The following IRS2 variants were observed in gnomAD, a reference collection of about 807,000 sequenced individuals.
IRS2 encodes the protein insulin receptor substrate 2.
A neutral mutation model predicts 70.9 loss-of-function variants in IRS2; 28 were observed. The ratio of observed to expected loss-of-function variants is 0.39; its 90% CI spans 0.29 to 0.54. The LOEUF (loss-of-function observed/expected upper bound fraction) is 0.54, where lower values mean the gene tolerates loss of function less well. Among genes scored for constraint, IRS2 ranks in the 20% least tolerant of loss-of-function variants. IRS2 has a pLI of 0.59. For missense variants in IRS2, 2,081 were observed against 2,024.1 expected, an observed-to-expected ratio of 1.03 and a Z score of -0.54; for synonymous variants, 1,217 against 981.9, an observed-to-expected ratio of 1.24 and a Z score of -4.48.
chr13:109,772,541 C>T (rs542594987), intron 1 of IRS2, among the ~76,000 whole-genome samples: 18 of 152,178 alleles, frequency 1.2e-4, no homozygotes, highest in Non-Finnish European at 2.6e-4. Context: ...CCAATCTCAC[C>T]TGCTGTTTGG....
At position 109,784,229 on chromosome 13, in the gene IRS2, C is replaced by T. The variant is rs1877837698; in HGVS notation, c.1825G>A (p.Ala609Thr). 2 of 1,570,914 alleles carry T rather than the reference C, an allele frequency of 1.3e-6. No homozygotes were observed. Among genetic ancestry groups the T allele is most frequent in the Non-Finnish European group, 8.6e-7 (1 of 1,157,736 alleles). ...GGGCAGGACGGGCAGAGGCGGCCCGCGCTGCCCGAGAAGGTGGCCCGCATC... is the reference window on the plus strand; with the variant it reads ...GGGCAGGACGGGCAGAGGCGGCCCGTGCTGCCCGAGAAGGTGGCCCGCATC... ...TLMRATFSGS[A>T]GRLCPSCPAS... Residue 609 changes from alanine to threonine, a missense_variant, in exon 1 of 2, where the codon GCG (alanine) becomes ACG (threonine). Ala to Thr is a moderately conservative substitution (Grantham distance 58). Transcript: ENST00000375856. This position sits in a 1 kb window ranked among gnomAD's most constrained non-coding sequence, Gnocchi z 5.2.
chr13:109,785,097 G>C lies in IRS2; in HGVS notation c.957C>G (p.Val319=). 9 of 1,587,142 alleles carry C rather than the reference G, an allele frequency of 5.7e-6. No homozygotes were observed. Among genetic ancestry groups the C allele is most frequent in the Non-Finnish European group, 7.7e-6 (9 of 1,167,860 alleles). Residue 319 remains valine, a synonymous_variant, in exon 1 of 2, where the codon GTC becomes GTG. Transcript: ENST00000375856. The surrounding 1 kb of genome is among the most constrained non-coding windows in gnomAD (Gnocchi z 9.3). ...SGSSATHPIS[V]PGARRHHHLV... The stretch of plus-strand genomic sequence containing the variant: ...GGTGGTGGTGGCGGCGCGCGCCGGG[G>C]ACGCTGATGGGGTGCGTGGCCGACG...
rs1226865334 is a variant in IRS2, at chr13:109,782,156, C to T, written c.3898G>A (p.Gly1300Ser). The change falls in exon 1 of 2, where the codon GGC becomes AGC. Residue 1300 changes from glycine (G) to serine (S), a missense_variant. This residue lies in a region of IRS2 where 1,615 missense variants were observed against 1,459.5 expected (regional missense o/e 1.11). Transcript: ENST00000375856. The part of the protein sequence containing the change: ...LGGLISAVGV[G>S]STGGGCGGPG... The stretch of plus-strand genomic sequence containing the variant: ...CCCCCGCACCCGCCGCCGGTGCTGC[C>T]GACGCCCACAGCGCTGATGAGACCC... 2 of 1,606,368 alleles carry T rather than the reference C, an allele frequency of 1.2e-6. No homozygotes were observed. The highest frequency in any genetic ancestry group is 1.7e-5 in the Admixed American group (1 of 59,118).
rs1435285399 is a variant in IRS2 at position 109,784,824 on chromosome 13, G to A, written c.1230C>T (p.Gly410=). The A allele has an allele frequency of 3.2e-6, 4 of 1,256,136 alleles. No individual in the cohort carries two copies. Among genetic ancestry groups the A allele is most frequent in the South Asian group, 2.2e-5 (1 of 45,624 alleles). 77.8% of individuals were successfully genotyped at this position (1,256,136 alleles called of 1,614,324 possible). A position where few individuals can be genotyped will look rare whatever the true frequency, so the allele number is the denominator to read the frequency against. Reference sequence around the variant, plus strand: ...GCAGCGCCACCTTGCTCCCGCGGCCGCCGCAGCCGCCGCTCAGGGTGTGCG... The same window carrying A: ...GCAGCGCCACCTTGCTCCCGCGGCCACCGCAGCCGCCGCTCAGGGTGTGCG... ...SRSHTLSGGC[G]GRGSKVALLP... Residue 410 remains glycine (G), a synonymous_variant, in exon 1 of 2, where the codon GGC becomes GGT. Coordinates refer to ENST00000375856, the MANE Select transcript of IRS2 (RefSeq NM_003749.3). This position sits in a 1 kb window ranked among gnomAD's most constrained non-coding sequence, Gnocchi z 5.2.
At chr13:109,781,982 G>A (rs753831370) in intron 1 of IRS2, 60 bp downstream of exon 1, 23 of 1,572,078 alleles carry the variant, frequency 1.5e-5, no homozygotes, top group Admixed American at 3.6e-5. Flanking sequence ...AAACCCAAGA[G>A]GCTCCCTCAG....
At chr13:109,773,557 C>CT (rs1411782756) in intron 1 of IRS2, among the ~76,000 whole-genome samples, 1 of 152,206 alleles carries the variant, frequency 6.6e-6, no homozygotes, top group African/African-American at 2.4e-5. Context: ...TTCGATTTCA[C>CT]TGGGGGTCTT....
intron 1 of IRS2, among the ~76,000 whole-genome samples, chr13:109,774,624 C>G (rs189237976): frequency 2.5e-3 from 376 of 152,144 alleles, no homozygotes; most frequent in Non-Finnish European, 4.2e-3. Context: ...GCTAGGGATA[C>G]CAAGATGTTA....
Position 109,784,788 on chromosome 13 carries a change from C to T in IRS2, c.1266G>A (p.Gly422=). Reference sequence around the variant, plus strand: ...TGGAGCGGCTGTGTTGCAGCGCGCCCCCTGCCGGCAGCAGCGCCACCTTGC... The same window carrying T: ...TGGAGCGGCTGTGTTGCAGCGCGCCTCCTGCCGGCAGCAGCGCCACCTTGC... ...RGSKVALLPA[G]GALQHSRSMS... The change falls in exon 1 of 2, where the codon GGG becomes GGA. Residue 422 remains glycine, a synonymous_variant. Transcript: ENST00000375856. The surrounding 1 kb of genome is among the most constrained non-coding windows in gnomAD (Gnocchi z 5.2). The T allele has an allele frequency of 3.2e-6, 4 of 1,266,524 alleles. No individual in the cohort carries two copies. Among genetic ancestry groups the T allele is most frequent in the Non-Finnish European group, 4.0e-6 (4 of 1,002,262 alleles). 78.5% of individuals were successfully genotyped at this position (1,266,524 alleles called of 1,614,324 possible).
intron 1 of IRS2, among the ~76,000 whole-genome samples, chr13:109,759,151 G>C (rs561442680): frequency 1.3e-5 from 2 of 152,332 alleles, no homozygotes; most frequent in Non-Finnish European, 2.9e-5. Flanking sequence ...ACGTGCATGT[G>C]TCTCACCTAG....
chr13:109,783,171 G>A lies in IRS2; in HGVS notation c.2883C>T (p.Gly961=), dbSNP rs1877776257. 1.4e-6 allele frequency: 2 copies of A among 1,383,324 alleles called. No homozygotes were observed. Among genetic ancestry groups the A allele is most frequent in the Non-Finnish European group, 1.9e-6 (2 of 1,074,562 alleles). 85.7% of individuals were successfully genotyped at this position (1,383,324 alleles called of 1,614,324 possible). A position where few individuals can be genotyped will look rare whatever the true frequency, so the allele number is the denominator to read the frequency against. ...GGCTGTCGCTGCTGGTGCCCGGGGT[G>A]CCTGAGCCCAGCGACGAGGCCGGGC... The part of the protein sequence containing the change: ...ASSPASSLGS[G]TPGTSSDSRQ... Residue 961 remains glycine (G), a synonymous_variant, in exon 1 of 2, where the codon GGC becomes GGT. Coordinates refer to ENST00000375856, the MANE Select transcript of IRS2 (RefSeq NM_003749.3).
rs769464044 is a variant in IRS2 at position 109,782,549 on chromosome 13, G to A, written c.3505C>T (p.Pro1169Ser). ...ACGGAGGCCGAGTTGTGGCGCTTGG[G>A]GTTGTGGGCGAAGGACGGGGACACG... ...TPVSPSFAHN[P>S]KRHNSASVEN... Residue 1169 changes from proline to serine, a missense_variant, in exon 1 of 2, where the codon CCC becomes TCC. By Grantham distance (74) the Pro-to-Ser change is moderately conservative (BLOSUM62 -1). Coordinates refer to ENST00000375856, the MANE Select transcript of IRS2 (RefSeq NM_003749.3). The A allele has an allele frequency of 4.5e-6, 7 of 1,563,138 alleles. No individual in the cohort carries two copies. The highest frequency in any genetic ancestry group is 3.5e-5 in the South Asian group (3 of 85,582).
intron 1 of IRS2, among the ~76,000 whole-genome samples, chr13:109,760,594 A>T (rs1398329865): frequency 1.3e-5 from 2 of 152,254 alleles, no homozygotes; most frequent in Non-Finnish European, 2.9e-5. Flanking sequence ...CGCTTGTGAC[A>T]GATGACATTC....
chr13:109,776,872 T>C (rs1206626970), intron 1 of IRS2, among the ~76,000 whole-genome samples: 1 of 152,192 alleles, frequency 6.6e-6, no homozygotes, highest in Non-Finnish European at 1.5e-5. Flanking sequence ...AAACTAAATA[T>C]AGAAAGAGTG....
Position 109,783,967 on chromosome 13 carries a change from G to A in IRS2, c.2087C>T (p.Ala696Val), listed in dbSNP as rs1357530953. 4 of 1,514,816 alleles carry A rather than the reference G, an allele frequency of 2.6e-6. 1 individual carries two copies. In the Middle Eastern group the frequency reaches 5.4e-4, roughly 204 times the overall value. The allele number at this position is 1,514,816 out of a possible 1,614,324, so 93.8% of individuals were successfully genotyped here. A position where few individuals can be genotyped will look rare whatever the true frequency, so the allele number is the denominator to read the frequency against. The change falls in exon 1 of 2, where the codon GCC (alanine) becomes GTC (valine). Residue 696 changes from alanine (A) to valine (V), a missense_variant. Physicochemically the swap from Ala to Val is moderately conservative, Grantham distance 64. Coordinates refer to ENST00000375856, the MANE Select transcript of IRS2 (RefSeq NM_003749.3). ...PKQILQPRAA[A>V]AAAAAVPSAG... is the part of the protein sequence containing the mutation. ...AGAAGGCACGGCGGCGGCGGCGGCG[G>A]CGGCGGCCCTGGGCTGCAAGATCTG...
At chr13:109,761,859 C>A (rs80326876) in intron 1 of IRS2, among the ~76,000 whole-genome samples, 1 of 152,024 alleles carries the variant, frequency 6.6e-6, no homozygotes, top group Non-Finnish European at 1.5e-5. Context: ...AAAAAAATTC[C>A]GAATATCAAG....
chr13:109,767,728 C>CTTTTT (rs748211544), intron 1 of IRS2, among the ~76,000 whole-genome samples: 8 of 119,776 alleles, frequency 6.7e-5, no homozygotes, highest in Non-Finnish European at 1.0e-4. Flanking sequence ...ACCATTTTTC[C>CTTTTT]TTTTTTTTTT....
In IRS2 at chr13:109,783,858, G is replaced by T. The variant is rs750213461; in HGVS notation, c.2196C>A (p.Pro732=). ...CACTGTCCTCGGGGGAGCTCTCGGC[G>T]GGCGAGCTGGCCTTGTAGCCGCCCC... is the stretch of plus-strand genomic sequence containing the variant. ...ASGGGYKASS[P]AESSPEDSGY... is the part of the protein sequence containing the mutation. Residue 732 remains proline, a synonymous_variant, in exon 1 of 2, where the codon CCC becomes CCA. Coordinates refer to ENST00000375856, the MANE Select transcript of IRS2 (RefSeq NM_003749.3). 4.5e-6 allele frequency: 7 copies of T among 1,557,300 alleles called. No homozygotes were observed. Among genetic ancestry groups the T allele is most frequent in the Admixed American group, 3.8e-5 (2 of 52,404 alleles).
intron 1 of IRS2, among the ~76,000 whole-genome samples, chr13:109,768,222 G>A (rs1877378203): frequency 6.6e-6 from 1 of 152,154 alleles, no homozygotes; most frequent in African/African-American, 2.4e-5. Context: ...TTCACCATTA[G>A]TTTTCTACAT....
intron 1 of IRS2, among the ~76,000 whole-genome samples, chr13:109,771,293 T>G (rs187927157): frequency 1.3e-5 from 2 of 152,262 alleles, no homozygotes; most frequent in East Asian, 3.9e-4. Flanking sequence ...AGTATTTTCA[T>G]GCAGTTCAAT....
Sources: gnomAD v4.1 joint callset for allele counts (sites outside exome capture counted in the v4.1 genomes callset) on GRCh38, gnomAD v4.1.1 for gene constraint, gnomAD v4.1.1 regional missense constraint, Gnocchi (gnomAD v3.1) non-coding constraint, MANE v1.5 for transcripts, NCBI Gene and HGNC (gene_info 2026-07-23, HGNC 2026-07-21) for gene names.